The following P2RY6 variants were observed in gnomAD, a reference collection of about 807,000 sequenced individuals.
P2RY6 encodes P2Y purinoceptor 6.
A neutral mutation model predicts 16.3 loss-of-function variants in P2RY6; 19 were observed. That is an observed-to-expected ratio of 1.16 (90% confidence interval 0.81 to 1.71). P2RY6 has a LOEUF of 1.71. Among genes scored for constraint, P2RY6 ranks in the 40% most tolerant of loss-of-function variants. The pLI, the probability that P2RY6 is intolerant of heterozygous loss-of-function variation, is 0.00. For missense variants in P2RY6, 389 were observed against 455.5 expected, an observed-to-expected ratio of 0.85 and a Z score of 1.33; for synonymous variants, 184 against 201.5, an observed-to-expected ratio of 0.91 and a Z score of 0.74.
At chr11:73,295,191 C>T (rs974369081) in intron 1 of P2RY6, among the ~76,000 whole-genome samples, 1 of 152,154 alleles carries the variant, frequency 6.6e-6, no homozygotes, top group Non-Finnish European at 1.5e-5. Context: ...ATCAGGGAAC[C>T]CCTTAGGGTA....
upstream of P2RY6, among the ~76,000 whole-genome samples, chr11:73,271,071 CA>C (rs1863285752): frequency 5.3e-5 from 8 of 152,326 alleles, no homozygotes; most frequent in South Asian, 1.7e-3. Flanking sequence ...GTGCGTTGAA[CA>C]TTACCCGAAC....
rs563446982 is a variant in P2RY6 at position 73,290,303 on chromosome 11, A to AAAAGAAAGAAAG, written c.-120-5376_-120-5365dup. Among the ~76,000 whole-genome samples, 969 of 113,070 alleles carry AAAAGAAAGAAAG rather than the reference A, an allele frequency of 8.6e-3. 5 individuals carry two copies. The highest frequency in any genetic ancestry group is 0.015 in the East Asian group (65 of 4,402). The allele number at this position is 113,070 out of a possible 152,430, so 74.2% of individuals were successfully genotyped here. ...GAAGGAAAGAAAGAAAGAAAGAAAGAAAAGAAAGAAAGAAAGAAAGAAAGA... is the reference window on the plus strand; with the variant it reads ...GAAGGAAAGAAAGAAAGAAAGAAAGAAAAGAAAGAAAGAAAGAAAGAAAGAAAGAAAGAAAGA... On this transcript the variant is annotated intron_variant, in intron 1 of 2. Transcript: ENST00000540124.
At chr11:73,271,845 C>T (rs1423199752), upstream of P2RY6, 1 of 152,096 alleles carries the variant, frequency 6.6e-6, no homozygotes, top group Non-Finnish European at 1.5e-5. Context: ...TTGTCTGGAT[C>T]CATAGGGTTG....
chr11:73,278,146 TTTTATTTATTTATTTATTTA>T (rs59488451), intron 1 of P2RY6, among the ~76,000 whole-genome samples: 51 of 146,076 alleles, frequency 3.5e-4, no homozygotes, highest in African/African-American at 1.2e-3. Context: ...TCCAGGACTG[TTTTATTTATTTATTTATTTA>T]TTTATTTATT....
In P2RY6 at chr11:73,297,228, C is replaced by T. The variant is rs141681227; in HGVS notation, c.710C>T (p.Ala237Val). The stretch of plus-strand genomic sequence containing the variant: ...GTGGCCCAGGAGCGGCGTGGCAAGG[C>T]GGCCCGCATGGCCGTGGTGGTGGCT... ...EPVAQERRGK[A>V]ARMAVVVAAA... Residue 237 changes from alanine to valine, a missense_variant, in exon 3 of 3, where the codon GCG becomes GTG. By Grantham distance (64) the Ala-to-Val change is moderately conservative. Transcript: ENST00000540124. 8.1e-6 allele frequency: 13 copies of T among 1,603,258 alleles called. No individual in the cohort carries two copies. Among genetic ancestry groups the T allele is most frequent in the Admixed American group, 3.3e-5 (2 of 59,990 alleles).
chr11:73,296,846 C>A lies in P2RY6; in HGVS notation c.328C>A (p.Leu110Met), dbSNP rs1052178458. 3 of 1,610,702 alleles carry A rather than the reference C, an allele frequency of 1.9e-6. No individual in the cohort carries two copies. Among genetic ancestry groups the A allele is most frequent in the African/African-American group, 2.7e-5 (2 of 74,950 alleles). The change falls in exon 3 of 3, where the codon CTG becomes ATG. Residue 110 changes from leucine (L) to methionine (M), a missense_variant. Transcript: ENST00000540124. ...RLVRFLFYANLHGSILFLTCI... is the reference protein window; with the variant it reads ...RLVRFLFYANMHGSILFLTCI... ...GGTCCGCTTCCTCTTCTATGCCAAC[C>A]TGCACGGCAGCATCCTCTTCCTCAC...
intron 1 of P2RY6, among the ~76,000 whole-genome samples, chr11:73,274,970 A>G (rs1159648370): frequency 6.6e-6 from 1 of 152,248 alleles, no homozygotes; most frequent in African/African-American, 2.4e-5. Context: ...GTTAGGGCCA[A>G]TGCCCCGGCA....
chr11:73,286,381 ACCTT>A (rs1480391201), intron 1 of P2RY6, among the ~76,000 whole-genome samples: 2 of 152,068 alleles, frequency 1.3e-5, no homozygotes, highest in Non-Finnish European at 2.9e-5. Flanking sequence ...AAAACTGCCT[ACCTT>A]CGGGCCTCAG....
intron 1 of P2RY6, among the ~76,000 whole-genome samples, chr11:73,276,776 A>G (rs372831107): frequency 6.6e-6 from 1 of 152,222 alleles, no homozygotes; most frequent in South Asian, 2.1e-4. Context: ...ATGTTCTGAA[A>G]TTGGATAGTG....
intron 1 of P2RY6, among the ~76,000 whole-genome samples, chr11:73,276,526 T>C (rs1354378107): frequency 1.3e-5 from 2 of 152,218 alleles, no homozygotes; most frequent in East Asian, 1.9e-4. Context: ...TGGAATATTA[T>C]TCAGCCATAA....
chr11:73,288,634 T>C (rs1864063739), intron 1 of P2RY6, among the ~76,000 whole-genome samples: 1 of 152,152 alleles, frequency 6.6e-6, no homozygotes, highest in Admixed American at 6.5e-5. Context: ...TGGCCTCAGG[T>C]GGGCTCCAGG....
In P2RY6 at chr11:73,297,218, C is replaced by G; in HGVS notation, c.700C>G (p.Arg234Gly). ...GPAEPVAQER[R>G]GKAARMAVVV... ...GGCAGAGCCTGTGGCCCAGGAGCGG[C>G]GTGGCAAGGCGGCCCGCATGGCCGT... is the stretch of plus-strand genomic sequence containing the variant. Residue 234 changes from arginine (R) to glycine (G), a missense_variant, in exon 3 of 3, where the codon CGT becomes GGT. By Grantham distance (125) the Arg-to-Gly change is moderately radical. Coordinates refer to ENST00000540124, the MANE Select transcript of P2RY6 (RefSeq NM_001277204.2). 6.2e-7 allele frequency: 1 copy of G among 1,603,040 alleles called. No individual in the cohort carries two copies. Among genetic ancestry groups the G allele is most frequent in the South Asian group, 1.1e-5 (1 of 91,046 alleles).
intron 1 of P2RY6, among the ~76,000 whole-genome samples, chr11:73,278,154 ATTT>A (rs1863617956): frequency 8.8e-6 from 1 of 113,068 alleles, no homozygotes; most frequent in Non-Finnish European, 2.1e-5. Flanking sequence ...TGTTTTATTT[ATTT>A]ATTTATTTAT....
intron 1 of P2RY6, among the ~76,000 whole-genome samples, chr11:73,273,162 G>A (rs1206989915): frequency 6.6e-6 from 1 of 151,780 alleles, no homozygotes; most frequent in Admixed American, 6.6e-5. Context: ...ATCTGGGAGA[G>A]CTGGGTTAAA....
chr11:73,274,175 T>C (rs1192458242), intron 1 of P2RY6, among the ~76,000 whole-genome samples: 1 of 152,148 alleles, frequency 6.6e-6, no homozygotes, highest in Non-Finnish European at 1.5e-5. Context: ...GGGAAATGGC[T>C]CTCCCAGAGT....
chr11:73,268,104 ATG>A (rs1474337657), upstream of P2RY6, among the ~76,000 whole-genome samples: 4 of 152,222 alleles, frequency 2.6e-5, no homozygotes, highest in African/African-American at 9.6e-5. Flanking sequence ...GTGCATATGT[ATG>A]TGTGAACCTG....
chr11:73,271,348 T>C (rs1279643319), upstream of P2RY6, among the ~76,000 whole-genome samples: 1 of 151,576 alleles, frequency 6.6e-6, no homozygotes, highest in African/African-American at 2.4e-5. Flanking sequence ...ACTGAGATAG[T>C]GAAGGGAGTG....
intron 2 of P2RY6, 139 bp downstream of exon 2, chr11:73,295,954 C>T (rs1047484275): frequency 3.5e-5 from 6 of 171,236 alleles, no homozygotes; most frequent in Non-Finnish European, 5.8e-5. Flanking sequence ...ACATGCAGAT[C>T]CACCATGACC....
intron 1 of P2RY6, among the ~76,000 whole-genome samples, chr11:73,288,316 A>G (rs1449418423): frequency 2.0e-5 from 3 of 152,202 alleles, no homozygotes; most frequent in Admixed American, 2.0e-4. Context: ...GCTGGAGAGA[A>G]ACCAAAGGAA....
Sources: gnomAD v4.1 joint callset for allele counts (sites outside exome capture counted in the v4.1 genomes callset) on GRCh38, gnomAD v4.1.1 for gene constraint, MANE v1.5 for transcripts, NCBI Gene and HGNC (gene_info 2026-07-23, HGNC 2026-07-21) for gene names.